DBF4B: variants seen among roughly 807,000 people sequenced by gnomAD.
DBF4B encodes DBF4B-CDC7 kinase regulatory subunit.
DBF4B carries 49 observed loss-of-function variants against 53.4 expected under a neutral mutation model. That is an observed-to-expected ratio of 0.92 (90% confidence interval 0.73 to 1.16). DBF4B has a LOEUF of 1.16. Ranked by LOEUF, DBF4B falls within the 50% of genes most tolerant of loss-of-function variation. The probability of loss-of-function intolerance (pLI) is 0.00; values close to 1 mark genes in which losing one functional copy is unlikely to be tolerated. For missense variants in DBF4B, 692 were observed against 775.0 expected, an observed-to-expected ratio of 0.89 and a Z score of 1.27; for synonymous variants, 257 against 288.7, an observed-to-expected ratio of 0.89 and a Z score of 1.11.
intron 3 of DBF4B, among the ~76,000 whole-genome samples, chr17:44,723,918 C>T (rs1323358234): frequency 1.3e-5 from 2 of 152,056 alleles, no homozygotes; most frequent in African/African-American, 4.8e-5. Context: ...CAAGATCAGC[C>T]TGGCAACATG....
At chr17:44,715,623 C>G (rs891532983) in intron 2 of DBF4B, among the ~76,000 whole-genome samples, 1 of 151,720 alleles carries the variant, frequency 6.6e-6, no homozygotes, top group Admixed American at 6.6e-5. Flanking sequence ...TTTCCAAGAG[C>G]TTTTTCTTTT....
chr17:44,716,836 T>C (rs907390926), intron 2 of DBF4B, among the ~76,000 whole-genome samples: 6 of 152,170 alleles, frequency 3.9e-5, no homozygotes, highest in Admixed American at 2.0e-4. Context: ...GTCCCTCTGA[T>C]TGGGCCTTTC....
chr17:44,736,304 A>G (rs1975427485), intron 7 of DBF4B, among the ~76,000 whole-genome samples: 2 of 152,082 alleles, frequency 1.3e-5, no homozygotes, highest in Admixed American at 1.3e-4. Context: ...TTTTAATATC[A>G]GCTTTGTTTG....
chr17:44,712,409 A>T (rs1352499631), intron 2 of DBF4B, among the ~76,000 whole-genome samples: 1 of 141,836 alleles, frequency 7.1e-6, no homozygotes, highest in African/African-American at 2.6e-5. Flanking sequence ...GGTTCAAGCG[A>T]TTCTCCTGCC....
rs1360784891 is a variant in DBF4B, at chr17:44,747,422, C to T, written c.971C>T (p.Ala324Val). 1.2e-6 allele frequency: 2 copies of T among 1,614,150 alleles called. No individual in the cohort carries two copies. Among genetic ancestry groups the T allele is most frequent in the Non-Finnish European group, 8.5e-7 (1 of 1,180,044 alleles). ...HLQSAQHRSFALEAHLYAEVD... is the reference protein window; with the variant it reads ...HLQSAQHRSFVLEAHLYAEVD... ...CAGAGTGCCCAGCACCGGAGCTTTG[C>T]CCTGGAAGCCCATCTATATGCAGAA... Residue 324 changes from alanine to valine, a missense_variant, in exon 12 of 14, where the codon GCC becomes GTC. Ala to Val is a moderately conservative substitution (Grantham distance 64). Around this residue, in one of 3 missense-constraint regions of DBF4B, gnomAD observed 597 missense variants for 665.8 expected, o/e 0.90. Coordinates refer to ENST00000315005, the MANE Select transcript of DBF4B (RefSeq NM_145663.3).
Position 44,751,520 on chromosome 17 carries a change from CCCA to C in DBF4B, c.*270_*272del. The C allele has an allele frequency of 3.6e-6, 5 of 1,379,386 alleles. No individual in the cohort carries two copies. Among genetic ancestry groups the C allele is most frequent in the Admixed American group, 6.4e-5 (2 of 31,074 alleles). 85.4% of individuals were successfully genotyped at this position (1,379,386 alleles called of 1,614,324 possible). A position where few individuals can be genotyped will look rare whatever the true frequency, so the allele number is the denominator to read the frequency against. Reference sequence around the variant, plus strand: ...ACACTGTCTGTCCCTGGCCCTCCAGCCCACCTCGCCAACCACTCTTGTTGGTTT... The same window carrying C: ...ACACTGTCTGTCCCTGGCCCTCCAGCCCTCGCCAACCACTCTTGTTGGTTT... On this transcript the variant is annotated 3_prime_UTR_variant, in exon 14 of 14. Coordinates refer to ENST00000315005, the MANE Select transcript of DBF4B (RefSeq NM_145663.3).
At chr17:44,735,127 C>G (rs1337409249) in intron 7 of DBF4B, among the ~76,000 whole-genome samples, 1 of 152,028 alleles carries the variant, frequency 6.6e-6, no homozygotes, top group East Asian at 1.9e-4. Flanking sequence ...GTGGATGGAG[C>G]ATTCAGACAC....
At chr17:44,721,341 C>G (rs1395909091) in intron 2 of DBF4B, among the ~76,000 whole-genome samples, 1 of 151,538 alleles carries the variant, frequency 6.6e-6, no homozygotes, top group East Asian at 1.9e-4. Context: ...GCCTCAGCCA[C>G]CCAAGTAGCT....
chr17:44,724,898 C>T (rs1207202545), intron 3 of DBF4B, among the ~76,000 whole-genome samples: 2 of 152,118 alleles, frequency 1.3e-5, no homozygotes, highest in Admixed American at 6.6e-5. Context: ...GGGCAGATCA[C>T]CTAAGGTCAG....
chr17:44,709,989 C>T (rs1972719868), intron 2 of DBF4B, among the ~76,000 whole-genome samples: 1 of 151,584 alleles, frequency 6.6e-6, no homozygotes, highest in South Asian at 2.1e-4. Context: ...CTGGCTAACA[C>T]AGTGAAACCC....
intron 3 of DBF4B, among the ~76,000 whole-genome samples, chr17:44,729,293 C>CT (rs1472321095): frequency 2.7e-5 from 4 of 150,506 alleles, no homozygotes; most frequent in Non-Finnish European, 4.4e-5. Flanking sequence ...CACTGAACTA[C>CT]TGGGCTCAAG....
Position 44,732,273 on chromosome 17 carries a change from T to G in DBF4B, c.556+8T>G. 1 of 1,613,812 alleles carries G rather than the reference T, an allele frequency of 6.2e-7. No individual in the cohort carries two copies. Among genetic ancestry groups the G allele is most frequent in the East Asian group, 2.2e-5 (1 of 44,864 alleles). On this transcript the variant is annotated splice_region_variant and intron_variant, in intron 6 of 13. Coordinates refer to ENST00000315005, the MANE Select transcript of DBF4B (RefSeq NM_145663.3). ...GGATTCTGCACGTGGATGGTACCCT[T>G]TCTGTGCTGGGCTCCTGTGGAGGGA... is the stretch of plus-strand genomic sequence containing the variant.
intron 2 of DBF4B, among the ~76,000 whole-genome samples, chr17:44,709,911 C>T (rs1002153393): frequency 2.6e-5 from 4 of 151,736 alleles, no homozygotes; most frequent in Admixed American, 1.3e-4. Context: ...CGGCTGCTCA[C>T]GCCTGTAATC....
Position 44,709,204 on chromosome 17 carries a change from C to T in DBF4B, c.20-100C>T, listed in dbSNP as rs1972637656. On this transcript the variant is annotated intron_variant, in intron 1 of 13. Coordinates refer to ENST00000315005, the MANE Select transcript of DBF4B (RefSeq NM_145663.3). ...GTTGAGTCTTGCTGTTCCCAGGAGTCGCGTTTCTGTGCGCGTTTTGGGAGA... is the reference window on the plus strand; with the variant it reads ...GTTGAGTCTTGCTGTTCCCAGGAGTTGCGTTTCTGTGCGCGTTTTGGGAGA... The T allele has an allele frequency of 1.5e-5, 22 of 1,469,326 alleles. No homozygotes were observed. In the South Asian group the frequency reaches 2.2e-4, roughly 15 times the overall value. 91.0% of individuals were successfully genotyped at this position (1,469,326 alleles called of 1,614,324 possible).
At position 44,735,830 on chromosome 17, in the gene DBF4B, A is replaced by T. The variant is rs1029487140; in HGVS notation, c.631-1000A>T. Among the ~76,000 whole-genome samples, 6 of 152,354 alleles carry T rather than the reference A, an allele frequency of 3.9e-5. No homozygotes were observed. In the East Asian group the frequency reaches 1.2e-3, roughly 29 times the overall value. On this transcript the variant is annotated intron_variant, in intron 7 of 13. Transcript: ENST00000315005. The stretch of plus-strand genomic sequence containing the variant: ...CTGGAACTTCTTAAGGCCCAGAGGC[A>T]CAGGTGGTCATGGATCCACCATCAT...
intron 13 of DBF4B, chr17:44,748,814 GT>G: frequency 7.7e-7 from 1 of 1,297,818 alleles, no homozygotes; most frequent in Non-Finnish European, 1.0e-6. Flanking sequence ...AGGACAACTA[GT>G]GGCAAGCGTC....
Position 44,708,718 on chromosome 17 carries a change from G to A in DBF4B, c.-103G>A. 7.2e-7 allele frequency: 1 copy of A among 1,386,942 alleles called. No individual in the cohort carries two copies. Among genetic ancestry groups the A allele is most frequent in the Non-Finnish European group, 9.7e-7 (1 of 1,031,280 alleles). The allele number at this position is 1,386,942 out of a possible 1,614,324, so 85.9% of individuals were successfully genotyped here. A position where few individuals can be genotyped will look rare whatever the true frequency, so the allele number is the denominator to read the frequency against. On this transcript the variant is annotated 5_prime_UTR_variant, in exon 1 of 14. Coordinates refer to ENST00000315005, the MANE Select transcript of DBF4B (RefSeq NM_145663.3). ...GAGATTGATGCTGTAGCTGCCCTGAGATAACCAGGACTGTGGAATCGGGAA... is the reference window on the plus strand; with the variant it reads ...GAGATTGATGCTGTAGCTGCCCTGAAATAACCAGGACTGTGGAATCGGGAA...
At chr17:44,730,819 AT>A (rs775506693) in intron 4 of DBF4B, 145 bp from the exon 5 acceptor site, 2 of 790,336 alleles carry the variant, frequency 2.5e-6, no homozygotes, top group Non-Finnish European at 4.0e-6. Flanking sequence ...CTAGGCTCTC[AT>A]TTCTACCAAT....
intron 13 of DBF4B, chr17:44,748,700 A>C: frequency 7.1e-7 from 1 of 1,417,638 alleles, no homozygotes; most frequent in Non-Finnish European, 9.3e-7. Context: ...TTTGGCCACA[A>C]GCGGAAGGTT....
Sources: gnomAD v4.1 joint callset for allele counts (sites outside exome capture counted in the v4.1 genomes callset) on GRCh38, gnomAD v4.1.1 for gene constraint, gnomAD v4.1.1 regional missense constraint, MANE v1.5 for transcripts, NCBI Gene and HGNC (gene_info 2026-07-23, HGNC 2026-07-21) for gene names.